CDH19: variants seen among roughly 807,000 people sequenced by gnomAD.
The protein encoded by CDH19 is cadherin 19.
In CDH19, 67 loss-of-function variants were observed where a neutral mutation model predicts 64.2. The observed-to-expected ratio is 1.04, with a 90% CI of 0.86 to 1.28. The LOEUF (loss-of-function observed/expected upper bound fraction) is 1.28, where lower values mean the gene tolerates loss of function less well. Ranked by LOEUF, CDH19 falls within the 50% of genes most tolerant of loss-of-function variation. The pLI, the probability that CDH19 is intolerant of heterozygous loss-of-function variation, is 0.00. For missense variants in CDH19, 1,030 were observed against 929.0 expected (o/e 1.11, Z -1.41); for synonymous variants, 346 against 319.3 (o/e 1.08, Z -0.89).
At chr18:66,517,584 A>T (rs1053378245) in intron 9 of CDH19, among the ~76,000 whole-genome samples, 1 of 151,980 alleles carries the variant, frequency 6.6e-6, no homozygotes, top group African/African-American at 2.4e-5. Context: ...ATTTGAGTAA[A>T]TGTTTGGATT....
intron 1 of CDH19, 72 bp downstream of exon 1, chr18:66,603,868 AACATTTTGTCATGT>A (rs1202772704): frequency 6.6e-6 from 1 of 152,174 alleles, no homozygotes; most frequent in Non-Finnish European, 1.5e-5. Context: ...TTTTCCTAGC[AACATTTTGTCATGT>A]ACTTTTTGAC....
intron 9 of CDH19, among the ~76,000 whole-genome samples, chr18:66,521,264 C>A (rs1206956476): frequency 1.3e-5 from 2 of 151,986 alleles, no homozygotes; most frequent in African/African-American, 4.8e-5. Context: ...AGTACTCTTA[C>A]CTGGTTAAAA....
At chr18:66,592,668 T>G (rs181028162) in intron 1 of CDH19, among the ~76,000 whole-genome samples, 1 of 151,998 alleles carries the variant, frequency 6.6e-6, no homozygotes. Context: ...CTATTTCACT[T>G]AAAGTAATGC....
intron 3 of CDH19, among the ~76,000 whole-genome samples, chr18:66,559,504 G>A (rs1987641757): frequency 6.6e-6 from 1 of 151,272 alleles, no homozygotes; most frequent in Admixed American, 6.6e-5. Context: ...TTTATAGACA[G>A]GTAGATAAAT....
intron 11 of CDH19, among the ~76,000 whole-genome samples, chr18:66,505,784 T>A (rs139403802): frequency 0.021 from 3,222 of 151,758 alleles, 86 homozygotes; most frequent in Non-Finnish European, 0.027. Context: ...TTCTGTGGCA[T>A]AATTATTTTC....
chr18:66,584,521 A>G lies in CDH19; in HGVS notation c.-112-12205T>C, dbSNP rs543291925. On this transcript the variant is annotated intron_variant, in intron 1 of 11. Coordinates refer to ENST00000262150, the MANE Select transcript of CDH19 (RefSeq NM_021153.4). ...GTCCCACTACTGGGTATATACACAA[A>G]TGAATACAAATAATTCTATCATAAT... Among the ~76,000 whole-genome samples, 6 of 152,214 alleles carry G rather than the reference A, an allele frequency of 3.9e-5. No homozygotes were observed. In the South Asian group the frequency reaches 1.0e-3, roughly 26 times the overall value.
chr18:66,536,444 A>G (rs1218617469), intron 7 of CDH19, among the ~76,000 whole-genome samples: 1 of 151,782 alleles, frequency 6.6e-6, no homozygotes, highest in Non-Finnish European at 1.5e-5. Context: ...GAATTGTTGG[A>G]AAAATTATAC....
chr18:66,549,112 C>T lies in CDH19; in HGVS notation c.775+1982G>A, dbSNP rs755000865. Reference sequence around the variant, plus strand: ...GGCCAGAATCAGATTCACCCACACTCGTATATGAGTGAAAGTATTAAGAGG... The same window carrying T: ...GGCCAGAATCAGATTCACCCACACTTGTATATGAGTGAAAGTATTAAGAGG... On this transcript the variant is annotated intron_variant, in intron 5 of 11. Transcript: ENST00000262150. Among the ~76,000 whole-genome samples the T allele has an allele frequency of 2.1e-4, 32 of 152,028 alleles. No homozygotes were observed. In the Middle Eastern group the frequency reaches 0.01, roughly 49 times the overall value.
At chr18:66,536,618 G>T (rs934731443) in intron 7 of CDH19, among the ~76,000 whole-genome samples, 1 of 151,548 alleles carries the variant, frequency 6.6e-6, no homozygotes, top group African/African-American at 2.4e-5. Flanking sequence ...ACAATAAATT[G>T]GTTCAGTTCC....
chr18:66,505,102 C>T lies in CDH19; in HGVS notation c.2029G>A (p.Glu677Lys), dbSNP rs944478445. ...GACTGCCTGTATAGGCTCCTGATCTCAGCGCTTGTGGTTTTCCGAGTCTTG... is the reference window on the plus strand; with the variant it reads ...GACTGCCTGTATAGGCTCCTGATCTTAGCGCTTGTGGTTTTCCGAGTCTTG... The part of the protein sequence containing the change: ...ERKTRKTTSA[E>K]IRSLYRQSLQ... Residue 677 changes from glutamate to lysine, a missense_variant, in exon 12 of 12, where the codon GAG (glutamate) becomes AAG (lysine). Coordinates refer to ENST00000262150, the MANE Select transcript of CDH19 (RefSeq NM_021153.4). 3 of 1,613,618 alleles carry T rather than the reference C, an allele frequency of 1.9e-6. No homozygotes were observed. The highest frequency in any genetic ancestry group is 1.7e-5 in the Admixed American group (1 of 59,932).
chr18:66,590,600 A>C (rs1364212993), intron 1 of CDH19, among the ~76,000 whole-genome samples: 1 of 151,808 alleles, frequency 6.6e-6, no homozygotes. Flanking sequence ...CAAACTTTTC[A>C]TAATTTATTC....
At chr18:66,593,106 AAAT>A (rs2144631942) in intron 1 of CDH19, among the ~76,000 whole-genome samples, 1 of 151,976 alleles carries the variant, frequency 6.6e-6, no homozygotes, top group Non-Finnish European at 1.5e-5. Context: ...AACTGGGGTG[AAAT>A]AATATCTCAT....
At chr18:66,587,122 A>C (rs955838225) in intron 1 of CDH19, among the ~76,000 whole-genome samples, 1 of 152,164 alleles carries the variant, frequency 6.6e-6, no homozygotes, top group East Asian at 1.9e-4. Context: ...TCATCCCAGC[A>C]CTCTGACTAA....
rs1000546553 is a variant in CDH19, at chr18:66,568,325, C to A, written c.490+91G>T. The A allele has an allele frequency of 1.0e-5, 10 of 966,292 alleles. No homozygotes were observed. In the South Asian group the frequency reaches 1.6e-4, roughly 15 times the overall value. The allele number at this position is 966,292 out of a possible 1,614,324, so 59.9% of individuals were successfully genotyped here. A position where few individuals can be genotyped will look rare whatever the true frequency, so the allele number is the denominator to read the frequency against. The stretch of plus-strand genomic sequence containing the variant: ...TTGTAGAAGGAAGTTCTAGTATAGA[C>A]CCTTAAATCATCTACTTCCAAAACA... On this transcript the variant is annotated intron_variant, in intron 3 of 11. Transcript: ENST00000262150.
chr18:66,523,111 T>C (rs2144390584), intron 9 of CDH19, among the ~76,000 whole-genome samples: 1 of 152,298 alleles, frequency 6.6e-6, no homozygotes, highest in East Asian at 1.9e-4. Flanking sequence ...TTTTATTTAC[T>C]GACAATTCCA....
chr18:66,523,336 G>A (rs1279510428), intron 9 of CDH19, among the ~76,000 whole-genome samples: 1 of 152,076 alleles, frequency 6.6e-6, no homozygotes, highest in Non-Finnish European at 1.5e-5. Flanking sequence ...AACTCTAAAG[G>A]GTATCCTGAC....
At chr18:66,505,551 A>G (rs1264637462) in intron 11 of CDH19, among the ~76,000 whole-genome samples, 1 of 135,172 alleles carries the variant, frequency 7.4e-6, no homozygotes, top group Non-Finnish European at 1.6e-5. Context: ...ATTTATTAAT[A>G]TATATATTAA....
chr18:66,598,204 G>C (rs1988953053), intron 1 of CDH19, among the ~76,000 whole-genome samples: 1 of 152,170 alleles, frequency 6.6e-6, no homozygotes, highest in African/African-American at 2.4e-5. Flanking sequence ...TGATGTGAAT[G>C]TAAATTAGTT....
intron 1 of CDH19, among the ~76,000 whole-genome samples, chr18:66,572,789 T>C (rs1049623864): frequency 3.3e-5 from 5 of 151,720 alleles, no homozygotes; most frequent in African/African-American, 1.2e-4. Flanking sequence ...AGTAATTAAA[T>C]AGACAAAATG....
Sources: gnomAD v4.1 joint callset for allele counts (sites outside exome capture counted in the v4.1 genomes callset) on GRCh38, gnomAD v4.1.1 for gene constraint, MANE v1.5 for transcripts, NCBI Gene and HGNC (gene_info 2026-07-23, HGNC 2026-07-21) for gene names.